ANKRD55: variants seen among roughly 807,000 people sequenced by gnomAD.
The protein encoded by ANKRD55 is ankyrin repeat domain 55, also known as ankyrin repeat domain-containing protein 55.
Under a neutral mutation model 60.6 loss-of-function variants are expected in ANKRD55, and 41 were observed. The observed-to-expected ratio is 0.68, with a 90% CI of 0.53 to 0.88. ANKRD55 has a LOEUF of 0.88. ANKRD55 is among the 40% of genes least tolerant of loss of function. The pLI, the probability that ANKRD55 is intolerant of heterozygous loss-of-function variation, is 0.00. For missense variants in ANKRD55, 732 were observed against 767.6 expected (o/e 0.95, Z 0.55); for synonymous variants, 264 against 290.3 (o/e 0.91, Z 0.92).
intron 8 of ANKRD55, among the ~76,000 whole-genome samples, chr5:56,117,798 C>A (rs1378087329): frequency 2.0e-5 from 3 of 152,154 alleles, no homozygotes; most frequent in Non-Finnish European, 4.4e-5. Context: ...AAAAAAAAAT[C>A]ACATTTAATT....
intron 2 of ANKRD55, chr5:56,192,647 G>A (rs1759127735): frequency 1.1e-6 from 1 of 908,490 alleles, no homozygotes; most frequent in South Asian, 1.4e-5. Context: ...GTTGGGAGAA[G>A]AGGGTGACAC....
chr5:56,170,570 C>CAA (rs3047043), intron 5 of ANKRD55, 124 bp downstream of exon 5: 6,382 of 610,998 alleles, frequency 0.01, 21 homozygotes, highest in African/African-American at 0.037. Context: ...GCTGCAACTT[C>CAA]AAAAAAAAAA....
intron 4 of ANKRD55, among the ~76,000 whole-genome samples, chr5:56,172,429 C>G (rs924018601): frequency 9.2e-5 from 14 of 151,916 alleles, no homozygotes; most frequent in African/African-American, 3.4e-4. Context: ...CTCAGAGACC[C>G]AAAAGAAAGG....
rs781290142 is a variant in ANKRD55 at position 56,231,648 on chromosome 5, G to GGC, written c.58+1206_58+1207dup. Among the ~76,000 whole-genome samples the GGC allele has an allele frequency of 6.0e-3, 833 of 138,476 alleles. 4 individuals carry two copies. The highest frequency in any genetic ancestry group is 0.013 in the African/African-American group (499 of 38,752). The allele number at this position is 138,476 out of a possible 152,430, so 90.8% of individuals were successfully genotyped here. A position where few individuals can be genotyped will look rare whatever the true frequency, so the allele number is the denominator to read the frequency against. ...ACGGTATGAGCCGGCACGTTCTGAA[G>GGC]GCGCGCACACACACACACACACACA... On this transcript the variant is annotated intron_variant, in intron 2 of 11. Coordinates refer to ENST00000341048, the MANE Select transcript of ANKRD55 (RefSeq NM_024669.3).
At chr5:56,222,064 C>A (rs866379168) in intron 2 of ANKRD55, among the ~76,000 whole-genome samples, 56 of 152,040 alleles carry the variant, frequency 3.7e-4, no homozygotes, top group African/African-American at 1.1e-3. Flanking sequence ...GGGTCCCTGA[C>A]CCCCGAGTAG....
At chr5:56,199,869 T>C (rs368283562) in intron 2 of ANKRD55, among the ~76,000 whole-genome samples, 6 of 144,756 alleles carry the variant, frequency 4.1e-5, no homozygotes, top group South Asian at 4.4e-4. Flanking sequence ...CCAGCCTGGG[T>C]GACAGAGTGA....
At chr5:56,180,851 T>C (rs1169718251) in intron 3 of ANKRD55, among the ~76,000 whole-genome samples, 1 of 152,258 alleles carries the variant, frequency 6.6e-6, no homozygotes, top group East Asian at 1.9e-4. Flanking sequence ...TAGGAGTTCC[T>C]ATGAAGACAA....
At chr5:56,155,515 C>T (rs1156313003) in intron 6 of ANKRD55, among the ~76,000 whole-genome samples, 1 of 152,098 alleles carries the variant, frequency 6.6e-6, no homozygotes, top group Non-Finnish European at 1.5e-5. Flanking sequence ...TTATCTCTCT[C>T]CTGATTTCTC....
In ANKRD55 at chr5:56,167,985, G is replaced by A. The variant is rs1758523256; in HGVS notation, c.422+2709C>T. Among the ~76,000 whole-genome samples, 3 of 152,180 alleles carry A rather than the reference G, an allele frequency of 2.0e-5. 1 individual carries two copies. The South Asian group carries it at 6.2e-4, about 32-fold the overall frequency. On this transcript the variant is annotated intron_variant, in intron 5 of 11. Coordinates refer to ENST00000341048, the MANE Select transcript of ANKRD55 (RefSeq NM_024669.3). Reference sequence around the variant, plus strand: ...CTGACAAGGCTTAGTTTACCCCTTAGGTGCAATGGGTTAAGAACAGAGACA... The same window carrying A: ...CTGACAAGGCTTAGTTTACCCCTTAAGTGCAATGGGTTAAGAACAGAGACA...
At chr5:56,187,685 C>T (rs1396694598) in intron 2 of ANKRD55, among the ~76,000 whole-genome samples, 1 of 152,266 alleles carries the variant, frequency 6.6e-6, no homozygotes, top group Non-Finnish European at 1.5e-5. Context: ...ATTGTTCCTG[C>T]ACGGCTAACT....
At position 56,099,772 on chromosome 5, in the gene ANKRD55, GT is replaced by G. The variant is rs572374829; in HGVS notation, c.*410del. On this transcript the variant is annotated 3_prime_UTR_variant, in exon 12 of 12. Transcript: ENST00000341048. Reference sequence around the variant, plus strand: ...TGAAGACATGTTTGTCTGGGATGTGGTTTTTTTTTTGTTTTGTTTTTTGCTT... The same window carrying G: ...TGAAGACATGTTTGTCTGGGATGTGGTTTTTTTTTGTTTTGTTTTTTGCTT... 4.0e-3 allele frequency: 613 copies of G among 152,358 alleles called. 1 individual carries two copies. Among genetic ancestry groups the G allele is most frequent in the African/African-American group, 0.012 (466 of 40,152 alleles). The allele number at this position is 152,358 out of a possible 1,614,324, so 9.4% of individuals were successfully genotyped here.
At chr5:56,124,688 A>G (rs1017970739) in intron 8 of ANKRD55, among the ~76,000 whole-genome samples, 13 of 152,088 alleles carry the variant, frequency 8.5e-5, no homozygotes, top group African/African-American at 2.9e-4. Context: ...TTGTATTTTT[A>G]GTAGAGACAG....
At chr5:56,208,459 C>T (rs543537897) in intron 2 of ANKRD55, among the ~76,000 whole-genome samples, 39 of 152,106 alleles carry the variant, frequency 2.6e-4, no homozygotes, top group African/African-American at 8.9e-4. Flanking sequence ...GAGTCTCACT[C>T]TGTTACCCAG....
At chr5:56,192,717 A>G in intron 2 of ANKRD55, 2 of 1,370,246 alleles carry the variant, frequency 1.5e-6, no homozygotes, top group Non-Finnish European at 2.1e-6. Context: ...AATGGACAGA[A>G]TCATCTAGGA....
intron 8 of ANKRD55, among the ~76,000 whole-genome samples, chr5:56,124,266 C>T (rs956334265): frequency 1.3e-5 from 2 of 152,106 alleles, no homozygotes; most frequent in African/African-American, 2.4e-5. Flanking sequence ...TAGGTAAGTA[C>T]TACAATGTTT....
At chr5:56,213,893 C>T (rs1410305616) in intron 2 of ANKRD55, among the ~76,000 whole-genome samples, 2 of 152,200 alleles carry the variant, frequency 1.3e-5, no homozygotes, top group Non-Finnish European at 2.9e-5. Flanking sequence ...ATGTATTAGT[C>T]TGTTCTCATG....
chr5:56,122,986 G>A (rs1470450305), intron 8 of ANKRD55, among the ~76,000 whole-genome samples: 7 of 151,954 alleles, frequency 4.6e-5, no homozygotes, highest in South Asian at 4.2e-4. Flanking sequence ...GGCTGCTCTC[G>A]AACTCCTGGG....
chr5:56,224,736 A>C (rs1018908265), intron 2 of ANKRD55, among the ~76,000 whole-genome samples: 8 of 152,234 alleles, frequency 5.3e-5, no homozygotes, highest in African/African-American at 1.7e-4. Context: ...AATCTAGAAG[A>C]AATGGATAAA....
chr5:56,103,460 A>T (rs1756351529), intron 10 of ANKRD55, among the ~76,000 whole-genome samples: 1 of 152,212 alleles, frequency 6.6e-6, no homozygotes, highest in Non-Finnish European at 1.5e-5. Flanking sequence ...TGTGATTTAA[A>T]TCCATTTTAA....
Sources: gnomAD v4.1 joint callset for allele counts (sites outside exome capture counted in the v4.1 genomes callset) on GRCh38, gnomAD v4.1.1 for gene constraint, MANE v1.5 for transcripts, NCBI Gene and HGNC (gene_info 2026-07-23, HGNC 2026-07-21) for gene names.